RAD50: variants seen among roughly 807,000 people sequenced by gnomAD.
RAD50 encodes the protein DNA repair protein RAD50.
A neutral mutation model predicts 168.8 loss-of-function variants in RAD50; 132 were observed. That is an observed-to-expected ratio of 0.78 (90% confidence interval 0.68 to 0.90). RAD50 has a LOEUF of 0.90. Ranked by LOEUF, RAD50 falls within the 40% of genes least tolerant of loss-of-function variation. The pLI is 0.00. For synonymous variants in RAD50, 525 were observed against 497.4 expected, an observed-to-expected ratio of 1.06 and a Z score of -0.74; for missense variants, 1,347 against 1,534.4, an observed-to-expected ratio of 0.88 and a Z score of 2.04.
intron 2 of RAD50, among the ~76,000 whole-genome samples, chr5:132,565,821 C>T (rs986800947): frequency 2.0e-5 from 3 of 152,134 alleles, no homozygotes; most frequent in Non-Finnish European, 2.9e-5. Flanking sequence ...GCTGGATCCC[C>T]CCTATTTGTG....
intron 21 of RAD50, among the ~76,000 whole-genome samples, chr5:132,620,049 C>T (rs890239819): frequency 6.6e-6 from 1 of 150,956 alleles, no homozygotes; most frequent in African/African-American, 2.4e-5. Context: ...GGACTACAGG[C>T]GCCCGCCACT....
intron 1 of RAD50, among the ~76,000 whole-genome samples, chr5:132,558,887 G>A (rs540549378): frequency 2.6e-5 from 4 of 152,286 alleles, no homozygotes; most frequent in East Asian, 1.9e-4. Context: ...AGCCTGGGCA[G>A]CAGAATGAGA....
At chr5:132,637,496 C>T (rs1454222352) in intron 22 of RAD50, among the ~76,000 whole-genome samples, 2 of 151,858 alleles carry the variant, frequency 1.3e-5, no homozygotes, top group South Asian at 2.1e-4. Context: ...ATAAGAAAAA[C>T]CATCCAGAGG....
intron 7 of RAD50, 55 bp from the exon 8 acceptor site, chr5:132,588,632 C>G: frequency 6.6e-7 from 1 of 1,503,860 alleles, no homozygotes. Flanking sequence ...CTGCAGCTAT[C>G]TCAACTTTTT....
intron 10 of RAD50, 87 bp from the exon 11 acceptor site, chr5:132,591,790 C>A: frequency 1.0e-6 from 1 of 985,534 alleles, no homozygotes; most frequent in Non-Finnish European, 1.5e-6. Context: ...AAGCTTAGAA[C>A]TTTAGTCAGT....
chr5:132,583,788 G>C (rs578197288), intron 5 of RAD50, among the ~76,000 whole-genome samples: 1 of 150,270 alleles, frequency 6.7e-6, no homozygotes, highest in Admixed American at 6.7e-5. Context: ...CCGTCTCCCA[G>C]GTTCAAGCAA....
chr5:132,577,804 T>A (rs1750425254), intron 3 of RAD50, among the ~76,000 whole-genome samples: 2 of 103,926 alleles, frequency 1.9e-5, no homozygotes, highest in Admixed American at 1.9e-4. Flanking sequence ...CATTTCTGAT[T>A]TTTTTTTTTT....
chr5:132,571,146 CTT>C (rs1294571763), intron 2 of RAD50, among the ~76,000 whole-genome samples: 3 of 151,410 alleles, frequency 2.0e-5, no homozygotes, highest in African/African-American at 7.3e-5. Flanking sequence ...TCAAAGATCA[CTT>C]ATCACAGATC....
chr5:132,619,737 T>C (rs1751241321), intron 21 of RAD50, among the ~76,000 whole-genome samples: 2 of 149,790 alleles, frequency 1.3e-5, no homozygotes, highest in Admixed American at 1.3e-4. Flanking sequence ...TAGCAGCCTT[T>C]TCTGGTTAGC....
At chr5:132,618,470 C>T (rs905651838) in intron 21 of RAD50, among the ~76,000 whole-genome samples, 176 bp downstream of exon 21, 1 of 152,116 alleles carries the variant, frequency 6.6e-6, no homozygotes, top group African/African-American at 2.4e-5. Context: ...CCTCTGCCTC[C>T]CGGGTTCAAA....
In RAD50 at chr5:132,580,361, T is replaced by C. The variant is rs146158836; in HGVS notation, c.756+295T>C. ...TGTATATGAAACTGAATGGCTTGTA[T>C]ATTTCTTGAATTATCAGGGAGCTAA... On this transcript the variant is annotated intron_variant, in intron 5 of 24. Coordinates refer to ENST00000378823, the MANE Select transcript of RAD50 (RefSeq NM_005732.4). 7.1e-3 allele frequency among the ~76,000 whole-genome samples: 1,079 copies of C among 152,272 alleles called. 11 individuals carry two copies. The highest frequency in any genetic ancestry group is 0.019 in the African/African-American group (788 of 41,572).
intron 11 of RAD50, 117 bp downstream of exon 11, chr5:132,592,151 C>T: frequency 8.9e-7 from 1 of 1,128,626 alleles, no homozygotes; most frequent in East Asian, 2.5e-5. Flanking sequence ...AACTTTAGTT[C>T]TTACATACAA....
intron 1 of RAD50, among the ~76,000 whole-genome samples, chr5:132,557,779 C>T (rs1239743917): frequency 2.0e-5 from 3 of 152,228 alleles, no homozygotes; most frequent in African/African-American, 7.2e-5. Context: ...TGTCTCCTTG[C>T]TTTCAAAGCA....
At chr5:132,609,473 A>G (rs951332932) in intron 19 of RAD50, 77 bp downstream of exon 19, 9 of 1,567,310 alleles carry the variant, frequency 5.7e-6, no homozygotes, top group Non-Finnish European at 6.1e-6. Flanking sequence ...TAGAAGATCC[A>G]TTGAATAGAA....
chr5:132,592,334 GTCT>G (rs1580995124), intron 11 of RAD50, among the ~76,000 whole-genome samples: 1 of 152,174 alleles, frequency 6.6e-6, no homozygotes, highest in African/African-American at 2.4e-5. Context: ...TGTCAGTGTA[GTCT>G]TTTTTACATT....
intron 2 of RAD50, among the ~76,000 whole-genome samples, chr5:132,569,700 G>A (rs942693449): frequency 2.0e-5 from 3 of 152,160 alleles, no homozygotes; most frequent in Admixed American, 6.5e-5. Flanking sequence ...AGTGCATGTG[G>A]AACATTCTGT....
intron 23 of RAD50, among the ~76,000 whole-genome samples, chr5:132,638,668 T>C (rs1036809429): frequency 6.6e-6 from 1 of 152,158 alleles, no homozygotes; most frequent in Non-Finnish European, 1.5e-5. Flanking sequence ...GAATGAATAT[T>C]CCAGTATAGT....
chr5:132,556,994 G>T lies in RAD50; in HGVS notation c.-331G>T. On this transcript the variant is annotated 5_prime_UTR_variant, in exon 1 of 25. Coordinates refer to ENST00000378823, the MANE Select transcript of RAD50 (RefSeq NM_005732.4). ...AGAGGCCCACGTGATCCGCAGGGCG[G>T]CCGAGGCAGGAAGCTGTGAGTGCGC... The T allele has an allele frequency of 1.2e-6, 1 of 828,794 alleles. No homozygotes were observed. 51.3% of individuals were successfully genotyped at this position (828,794 alleles called of 1,614,324 possible). A position where few individuals can be genotyped will look rare whatever the true frequency, so the allele number is the denominator to read the frequency against.
intron 13 of RAD50, 63 bp from the exon 14 acceptor site, chr5:132,603,237 A>C: frequency 1.4e-6 from 2 of 1,436,860 alleles, no homozygotes; most frequent in Admixed American, 2.0e-5. Context: ...CTAAAAATAC[A>C]TAACCTCAGT....
Sources: gnomAD v4.1 joint callset for allele counts (sites outside exome capture counted in the v4.1 genomes callset) on GRCh38, gnomAD v4.1.1 for gene constraint, MANE v1.5 for transcripts, NCBI Gene and HGNC (gene_info 2026-07-23, HGNC 2026-07-21) for gene names.